The following AK5 variants were observed in gnomAD, a reference collection of about 807,000 sequenced individuals.
AK5 encodes the protein adenylate kinase 5.
A neutral mutation model predicts 69.5 loss-of-function variants in AK5; 27 were observed. The observed-to-expected ratio is 0.39, with a 90% CI of 0.29 to 0.54. The LOEUF is 0.54. Ranked by LOEUF, AK5 falls within the 20% of genes least tolerant of loss-of-function variation. AK5 has a pLI of 0.71. For synonymous variants in AK5, 260 were observed against 244.4 expected (o/e 1.06, Z -0.60); for missense variants, 531 against 700.4 (o/e 0.76, Z 2.73).
At chr1:77,363,758 T>C (rs893908147) in intron 6 of AK5, among the ~76,000 whole-genome samples, 20 of 152,190 alleles carry the variant, frequency 1.3e-4, no homozygotes, top group African/African-American at 4.8e-4. Context: ...CTTCTTACTC[T>C]CTTCAAGTCT....
intron 6 of AK5, among the ~76,000 whole-genome samples, chr1:77,401,539 G>A (rs1228416063): frequency 2.0e-5 from 3 of 152,130 alleles, no homozygotes; most frequent in Non-Finnish European, 2.9e-5. Flanking sequence ...AAAAAAATGG[G>A]AGACAGACCT....
chr1:77,383,009 A>T (rs891377449), intron 6 of AK5, among the ~76,000 whole-genome samples: 1 of 152,236 alleles, frequency 6.6e-6, no homozygotes, highest in African/African-American at 2.4e-5. Context: ...TTCATTTGTT[A>T]TACCTAAATA....
intron 5 of AK5, among the ~76,000 whole-genome samples, chr1:77,338,034 A>G (rs12097728): frequency 0.17 from 25,233 of 149,146 alleles, 2,236 homozygotes; most frequent in South Asian, 0.27. Flanking sequence ...GCACGATCTC[A>G]GCTCACTGCA....
At chr1:77,549,577 T>G (rs909944295) in intron 13 of AK5, among the ~76,000 whole-genome samples, 1 of 152,280 alleles carries the variant, frequency 6.6e-6, no homozygotes, top group Middle Eastern at 3.4e-3. Context: ...TTTGTATCCA[T>G]TAGCCATTCC....
At chr1:77,371,628 C>G (rs954685914) in intron 6 of AK5, among the ~76,000 whole-genome samples, 1 of 152,142 alleles carries the variant, frequency 6.6e-6, no homozygotes, top group African/African-American at 2.4e-5. Flanking sequence ...TCAGCTGACA[C>G]TGGAGCAATT....
At chr1:77,422,052 G>A (rs1432633975) in intron 8 of AK5, among the ~76,000 whole-genome samples, 1 of 152,128 alleles carries the variant, frequency 6.6e-6, no homozygotes, top group Non-Finnish European at 1.5e-5. Context: ...TCTTCCTTCT[G>A]TTCTTCCTAT....
chr1:77,410,325 T>C (rs1191910416), intron 6 of AK5, among the ~76,000 whole-genome samples: 1 of 152,102 alleles, frequency 6.6e-6, no homozygotes, highest in East Asian at 1.9e-4. Flanking sequence ...TCCCCCAGGC[T>C]GGAGTACAGC....
intron 12 of AK5, 141 bp downstream of exon 12, chr1:77,522,084 T>TA (rs1224838903): frequency 3.1e-6 from 2 of 644,522 alleles, no homozygotes; most frequent in South Asian, 2.4e-5. Flanking sequence ...ACTAGAAATT[T>TA]AAAAAAAGGA....
intron 6 of AK5, among the ~76,000 whole-genome samples, chr1:77,362,734 A>C (rs1026115322): frequency 6.6e-6 from 1 of 152,058 alleles, no homozygotes; most frequent in African/African-American, 2.4e-5. Context: ...CAGTAGTAAG[A>C]CTCCATGTTT....
At chr1:77,446,502 A>G (rs978797984) in intron 8 of AK5, among the ~76,000 whole-genome samples, 5 of 152,152 alleles carry the variant, frequency 3.3e-5, no homozygotes, top group Middle Eastern at 3.2e-3. Context: ...TATTGAATAT[A>G]TATATTGCTT....
chr1:77,406,450 C>G (rs190977933), intron 6 of AK5, among the ~76,000 whole-genome samples: 193 of 152,090 alleles, frequency 1.3e-3, no homozygotes, highest in African/African-American at 4.3e-3. Context: ...GAGAGAGATA[C>G]ACAGTTGACT....
At chr1:77,557,527 G>A (rs780034933) in intron 13 of AK5, among the ~76,000 whole-genome samples, 3 of 152,020 alleles carry the variant, frequency 2.0e-5, no homozygotes, top group South Asian at 2.1e-4. Flanking sequence ...CAGTACTTTC[G>A]TGCCCAGAAA....
At chr1:77,301,371 C>T (rs145795595) in intron 5 of AK5, among the ~76,000 whole-genome samples, 1 of 152,346 alleles carries the variant, frequency 6.6e-6, no homozygotes, top group Non-Finnish European at 1.5e-5. Context: ...CGCTTCTGCT[C>T]ACAAGGCATT....
At chr1:77,333,083 CAGTCTACTGCTGTG>C (rs1215908804) in intron 5 of AK5, among the ~76,000 whole-genome samples, 2 of 152,054 alleles carry the variant, frequency 1.3e-5, no homozygotes, top group African/African-American at 4.8e-5. Flanking sequence ...TTTCTCCCTA[CAGTCTACTGCTGTG>C]TTTGATATTT....
chr1:77,295,940 A>T (rs1408023567), intron 3 of AK5, among the ~76,000 whole-genome samples: 1 of 152,134 alleles, frequency 6.6e-6, no homozygotes, highest in East Asian at 1.9e-4. Flanking sequence ...TTGTTTCCCA[A>T]AGTTATGATT....
At chr1:77,388,703 C>A (rs1352187648) in intron 6 of AK5, among the ~76,000 whole-genome samples, 1 of 150,524 alleles carries the variant, frequency 6.6e-6, no homozygotes, top group Non-Finnish European at 1.5e-5. Flanking sequence ...TTTAAGAAAA[C>A]TATTATGCTC....
At chr1:77,515,505 T>G (rs778342849) in intron 10 of AK5, among the ~76,000 whole-genome samples, 2 of 152,178 alleles carry the variant, frequency 1.3e-5, no homozygotes, top group Non-Finnish European at 2.9e-5. Flanking sequence ...GCAAGAAAAC[T>G]TTGTCAGGCA....
intron 13 of AK5, among the ~76,000 whole-genome samples, chr1:77,544,892 G>A (rs890246857): frequency 1.5e-4 from 23 of 152,246 alleles, no homozygotes; most frequent in African/African-American, 5.1e-4. Flanking sequence ...CGTACTTTAC[G>A]TGATTGTACG....
chr1:77,376,720 C>T (rs1038409236), intron 6 of AK5, among the ~76,000 whole-genome samples: 2 of 152,086 alleles, frequency 1.3e-5, no homozygotes, highest in Admixed American at 1.3e-4. Context: ...GTGAGAGGAT[C>T]ACTTGAGTTG....
Sources: allele counts gnomAD v4.1 joint callset (sites outside exome capture counted in the v4.1 genomes callset), GRCh38; gene constraint gnomAD v4.1.1; transcripts MANE v1.5; gene names NCBI Gene and HGNC (gene_info 2026-07-23, HGNC 2026-07-21).